USP20: variants seen among roughly 807,000 people sequenced by gnomAD.
USP20 encodes ubiquitin specific peptidase 20.
A neutral mutation model predicts 124.2 loss-of-function variants in USP20; 80 were observed. The ratio of observed to expected loss-of-function variants is 0.64; its 90% CI spans 0.54 to 0.78. The LOEUF (loss-of-function observed/expected upper bound fraction) is 0.78, where lower values mean the gene tolerates loss of function less well. Ranked by LOEUF, USP20 falls within the 30% of genes least tolerant of loss-of-function variation. The pLI is 0.00. For missense variants in USP20, 1,043 were observed against 1,244.4 expected (o/e 0.84, Z 2.44); for synonymous variants, 481 against 512.3 (o/e 0.94, Z 0.83).
rs377008189 is a variant in USP20, at chr9:129,873,992, A to G, written c.1740+248A>G. ...GTCTAACATGTTGTATGAGGGCCCA[A>G]TGGGAGGCAGGTGTGTGGGACACTG... On this transcript the variant is annotated intron_variant, in intron 17 of 25. Transcript: ENST00000372429. Among the ~76,000 whole-genome samples, 12 of 152,238 alleles carry G rather than the reference A, an allele frequency of 7.9e-5. No individual in the cohort carries two copies. In the East Asian group the frequency reaches 1.2e-3, roughly 15 times the overall value.
At chr9:129,857,222 G>A (rs1371766510) in intron 4 of USP20, among the ~76,000 whole-genome samples, 1 of 152,194 alleles carries the variant, frequency 6.6e-6, no homozygotes, top group Non-Finnish European at 1.5e-5. Context: ...TATCCAGGGG[G>A]CAGCAAGAAG....
At chr9:129,867,582 C>G (rs1403759168) in intron 10 of USP20, among the ~76,000 whole-genome samples, 1 of 152,076 alleles carries the variant, frequency 6.6e-6, no homozygotes, top group East Asian at 1.9e-4. Context: ...ATCACACTCC[C>G]TCATCCTTCC....
intron 2 of USP20, among the ~76,000 whole-genome samples, chr9:129,850,141 CA>C (rs2032827475): frequency 6.6e-6 from 1 of 152,072 alleles, no homozygotes; most frequent in Non-Finnish European, 1.5e-5. Context: ...CAAGATTGGC[CA>C]TGAGTTGTTA....
intron 4 of USP20, among the ~76,000 whole-genome samples, chr9:129,857,057 A>T (rs1033400259): frequency 6.9e-6 from 1 of 145,872 alleles, no homozygotes; most frequent in Non-Finnish European, 1.5e-5. Flanking sequence ...AAATTTCTTT[A>T]AAAAAAAAAA....
In USP20 at chr9:129,880,134, C is replaced by T. The variant is rs1350935959; in HGVS notation, c.2606C>T (p.Ser869Leu). 5.0e-6 allele frequency: 8 copies of T among 1,613,796 alleles called. No homozygotes were observed. The highest frequency in any genetic ancestry group is 2.2e-5 in the South Asian group (2 of 91,082). The part of the protein sequence containing the change: ...LKQGADYGQI[S>L]EETWTYLNSL... ...GCAGGAGCTGACTACGGGCAGATTT[C>T]GGAGGAGACCTGGACCTACCTGAAC... is the stretch of plus-strand genomic sequence containing the variant. Residue 869 changes from serine (S) to leucine (L), a missense_variant, in exon 25 of 26, where the codon TCG becomes TTG. By Grantham distance (145) the Ser-to-Leu change is moderately radical. Coordinates refer to ENST00000372429, the MANE Select transcript of USP20 (RefSeq NM_001110303.4).
intron 8 of USP20, among the ~76,000 whole-genome samples, chr9:129,862,972 C>T (rs748331342): frequency 8.7e-6 from 1 of 115,388 alleles, no homozygotes; most frequent in African/African-American, 3.1e-5. Flanking sequence ...TAAAAATGCC[C>T]TGTCTCTGGG....
intron 1 of USP20, among the ~76,000 whole-genome samples, chr9:129,837,236 C>G (rs2031911077): frequency 6.6e-6 from 1 of 152,204 alleles, no homozygotes; most frequent in Non-Finnish European, 1.5e-5. Flanking sequence ...ATGAGACTGT[C>G]TCTCAAAAGG....
intron 12 of USP20, 88 bp downstream of exon 12, chr9:129,869,090 G>T: frequency 1.3e-6 from 2 of 1,484,802 alleles, no homozygotes; most frequent in East Asian, 2.4e-5. Flanking sequence ...CCCTGTGGCG[G>T]AGGGCCGGGC....
chr9:129,867,242 G>A (rs2033862238), intron 10 of USP20, among the ~76,000 whole-genome samples: 2 of 152,158 alleles, frequency 1.3e-5, no homozygotes, highest in South Asian at 4.2e-4. Context: ...TGCACCCCCT[G>A]TGTGAGCACA....
At chr9:129,873,845 T>G (rs1222609546) in intron 17 of USP20, 101 bp downstream of exon 17, 1 of 1,422,746 alleles carries the variant, frequency 7.0e-7, no homozygotes, top group Non-Finnish European at 9.7e-7. Context: ...CGGGCACTTC[T>G]GTGCTGCAGG....
At chr9:129,864,118 C>A (rs868437387) in intron 9 of USP20, among the ~76,000 whole-genome samples, 1,531 of 127,474 alleles carry the variant, frequency 0.012, 30 homozygotes, top group African/African-American at 0.04. Flanking sequence ...AAAAAAAAAA[C>A]AAAAACAAAA....
chr9:129,835,485 C>T lies in USP20; in HGVS notation c.-143C>T. 2.5e-6 allele frequency: 1 copy of T among 398,704 alleles called. No individual in the cohort carries two copies. The highest frequency in any genetic ancestry group is 4.0e-5 in the South Asian group (1 of 25,296). The allele number at this position is 398,704 out of a possible 1,614,324, so 24.7% of individuals were successfully genotyped here. A position where few individuals can be genotyped will look rare whatever the true frequency, so the allele number is the denominator to read the frequency against. On this transcript the variant is annotated 5_prime_UTR_variant, in exon 1 of 26. Coordinates refer to ENST00000372429, the MANE Select transcript of USP20 (RefSeq NM_001110303.4). ...GCTTGACTGACAGGCGGCGGCGGCG[C>T]AGTTGCGAGTGCAGGTGAGTTCCGG...
At chr9:129,850,636 C>G (rs2032861857) in intron 2 of USP20, among the ~76,000 whole-genome samples, 1 of 151,748 alleles carries the variant, frequency 6.6e-6, no homozygotes, top group Admixed American at 6.6e-5. Context: ...CAGCTTCTGC[C>G]TTTGTTTTTT....
chr9:129,861,620 G>A lies in USP20; in HGVS notation c.497+8G>A, dbSNP rs770077631. ...GCAGGCCCTGTCCAATTGGTAGGTCGACACTTTGTCCGAGGGCCGAGAGCT... is the reference window on the plus strand; with the variant it reads ...GCAGGCCCTGTCCAATTGGTAGGTCAACACTTTGTCCGAGGGCCGAGAGCT... On this transcript the variant is annotated splice_region_variant and intron_variant, in intron 8 of 25. Transcript: ENST00000372429. 3.7e-6 allele frequency: 6 copies of A among 1,613,898 alleles called. No homozygotes were observed. Among genetic ancestry groups the A allele is most frequent in the Admixed American group, 1.7e-5 (1 of 60,002 alleles).
chr9:129,872,509 C>T (rs181510068), intron 15 of USP20, among the ~76,000 whole-genome samples: 8 of 152,220 alleles, frequency 5.3e-5, no homozygotes, highest in Admixed American at 3.3e-4. Context: ...CCCTGTCCTC[C>T]CATCCTGTAG....
chr9:129,859,927 G>A (rs910237363), intron 6 of USP20, among the ~76,000 whole-genome samples: 3 of 152,154 alleles, frequency 2.0e-5, no homozygotes, highest in Admixed American at 6.5e-5. Flanking sequence ...AGCTACTTGG[G>A]AGGCTGAGGT....
At chr9:129,875,288 T>C in intron 19 of USP20, 22 bp from the exon 20 acceptor site, 2 of 1,583,622 alleles carry the variant, frequency 1.3e-6, no homozygotes, top group Non-Finnish European at 1.7e-6. Context: ...GCACAGCTTC[T>C]CGCCCCCTCC....
chr9:129,879,478 C>G lies in USP20; in HGVS notation c.2513-95C>G, dbSNP rs2034548252. On this transcript the variant is annotated intron_variant, in intron 23 of 25. Transcript: ENST00000372429. This position sits in a 1 kb window ranked among gnomAD's most constrained non-coding sequence, Gnocchi z 4.2. ...CCATTAGAGACTTCACGCTGACCCC[C>G]AGGCCTGGGGCGGCCCCACTTGGGA... 7.5e-7 allele frequency: 1 copy of G among 1,329,560 alleles called. No homozygotes were observed. Among genetic ancestry groups the G allele is most frequent in the East Asian group, 2.3e-5 (1 of 43,164 alleles). The allele number at this position is 1,329,560 out of a possible 1,614,324, so 82.4% of individuals were successfully genotyped here. A position where few individuals can be genotyped will look rare whatever the true frequency, so the allele number is the denominator to read the frequency against.
At chr9:129,848,731 C>G (rs1343548316) in intron 1 of USP20, among the ~76,000 whole-genome samples, 2 of 151,998 alleles carry the variant, frequency 1.3e-5, no homozygotes, top group African/African-American at 4.8e-5. Context: ...GATCACTTAC[C>G]AAAGATGCTA....
Sources: allele counts gnomAD v4.1 joint callset (sites outside exome capture counted in the v4.1 genomes callset), GRCh38; gene constraint gnomAD v4.1.1; non-coding constraint Gnocchi (gnomAD v3.1); transcripts MANE v1.5; gene names NCBI Gene and HGNC (gene_info 2026-07-23, HGNC 2026-07-21).